The following TBC1D22A variants were observed in gnomAD, a reference collection of about 807,000 sequenced individuals.
TBC1D22A encodes putative GTPase activator.
A neutral mutation model predicts 60.2 loss-of-function variants in TBC1D22A; 38 were observed. The observed-to-expected ratio is 0.63, with a 90% confidence interval of 0.49 to 0.83. The LOEUF is 0.83. Ranked by LOEUF, TBC1D22A falls within the 40% of genes least tolerant of loss-of-function variation. TBC1D22A has a pLI of 0.00. For missense variants in TBC1D22A, 628 were observed against 701.0 expected (o/e 0.90, Z 1.18); for synonymous variants, 302 against 281.7 (o/e 1.07, Z -0.72).
chr22:46,866,787 C>T (rs1428848668), intron 4 of TBC1D22A, among the ~76,000 whole-genome samples: 1 of 152,238 alleles, frequency 6.6e-6, no homozygotes, highest in African/African-American at 2.4e-5. Context: ...AGGACAGAAT[C>T]ACTGTGCTGG....
intron 4 of TBC1D22A, among the ~76,000 whole-genome samples, chr22:46,846,687 C>T (rs903663393): frequency 2.6e-5 from 4 of 151,878 alleles, no homozygotes; most frequent in East Asian, 1.9e-4. Context: ...TATCAAGATA[C>T]GCCACCAGCC....
intron 12 of TBC1D22A, among the ~76,000 whole-genome samples, chr22:47,169,525 A>G (rs916529829): frequency 1.3e-5 from 2 of 152,280 alleles, no homozygotes; most frequent in African/African-American, 4.8e-5. Flanking sequence ...CCATGCAGCG[A>G]GAGTCTGATT....
intron 11 of TBC1D22A, among the ~76,000 whole-genome samples, chr22:47,086,795 C>G (rs576415016): frequency 6.6e-6 from 1 of 152,122 alleles, no homozygotes; most frequent in South Asian, 2.1e-4. Context: ...TGAGCACAGA[C>G]GGGTGGTTCA....
chr22:46,925,654 A>T (rs923305007), intron 8 of TBC1D22A, among the ~76,000 whole-genome samples: 1 of 152,206 alleles, frequency 6.6e-6, no homozygotes, highest in Non-Finnish European at 1.5e-5. Context: ...GCACATTTCA[A>T]TATTGCTTTT....
intron 9 of TBC1D22A, among the ~76,000 whole-genome samples, chr22:46,991,245 C>T (rs1326192913): frequency 1.3e-5 from 2 of 152,142 alleles, no homozygotes; most frequent in Non-Finnish European, 2.9e-5. Flanking sequence ...GAATCTGACA[C>T]GTTTGTGCTC....
chr22:46,998,111 G>C (rs986249731), intron 10 of TBC1D22A, among the ~76,000 whole-genome samples: 1 of 152,094 alleles, frequency 6.6e-6, no homozygotes, highest in Non-Finnish European at 1.5e-5. Flanking sequence ...TAATTACTGA[G>C]TCTGGAAATA....
At chr22:46,962,204 A>C (rs1475023302) in intron 8 of TBC1D22A, among the ~76,000 whole-genome samples, 1 of 152,216 alleles carries the variant, frequency 6.6e-6, no homozygotes, top group African/African-American at 2.4e-5. Context: ...GCGTGGCTTT[A>C]ACTGAGAACC....
At chr22:47,113,731 G>A (rs755515044) in intron 12 of TBC1D22A, among the ~76,000 whole-genome samples, 12 of 152,346 alleles carry the variant, frequency 7.9e-5, no homozygotes, top group South Asian at 2.1e-4. Context: ...CACACTGGCC[G>A]TGGGAGCTTG....
intron 11 of TBC1D22A, among the ~76,000 whole-genome samples, chr22:47,062,996 CAG>C (rs1234684293): frequency 4.6e-5 from 7 of 152,128 alleles, no homozygotes; most frequent in East Asian, 1.9e-4. Context: ...AACATGGAAA[CAG>C]GGAGAAGGTG....
At chr22:46,789,490 C>T (rs1385247570) in intron 1 of TBC1D22A, 3 of 312,670 alleles carry the variant, frequency 9.6e-6, no homozygotes, top group Admixed American at 3.6e-5. Flanking sequence ...ACTGTAAGGG[C>T]CGGAATAGTT....
intron 4 of TBC1D22A, among the ~76,000 whole-genome samples, chr22:46,847,685 T>C (rs958673643): frequency 6.6e-6 from 1 of 152,208 alleles, no homozygotes; most frequent in Non-Finnish European, 1.5e-5. Context: ...TTAGGACTTT[T>C]GAGTCCTTTC....
At chr22:47,060,778 T>G (rs955843145) in intron 11 of TBC1D22A, among the ~76,000 whole-genome samples, 3 of 152,172 alleles carry the variant, frequency 2.0e-5, no homozygotes, top group African/African-American at 7.2e-5. Flanking sequence ...GGCACACAAT[T>G]TAGCGGAGTC....
chr22:46,939,772 C>T (rs778978843), intron 8 of TBC1D22A, among the ~76,000 whole-genome samples: 9 of 152,096 alleles, frequency 5.9e-5, no homozygotes, highest in African/African-American at 1.9e-4. Context: ...GAGCTAAAAC[C>T]GATTAGAGAT....
chr22:47,170,291 G>A (rs570959705), intron 12 of TBC1D22A, among the ~76,000 whole-genome samples: 90 of 152,274 alleles, frequency 5.9e-4, no homozygotes, highest in African/African-American at 2.0e-3. Context: ...GTGAGTTACC[G>A]TAATGGGAGG....
chr22:46,762,983 G>A (rs930501897), intron 1 of TBC1D22A, 135 bp downstream of exon 1: 6 of 800,974 alleles, frequency 7.5e-6, no homozygotes, highest in African/African-American at 1.8e-5. Flanking sequence ...TGGATGGTGT[G>A]ACGGGCGTTG....
chr22:47,164,940 T>A lies in TBC1D22A; in HGVS notation c.1426-8558T>A, dbSNP rs763765331. On this transcript the variant is annotated intron_variant, in intron 12 of 12. Transcript: ENST00000337137. ...GGGGGTTTGGGTAGGATCAACGATCTTTGACCTCTGTAATGTGTGGTCCAT... is the reference window on the plus strand; with the variant it reads ...GGGGGTTTGGGTAGGATCAACGATCATTGACCTCTGTAATGTGTGGTCCAT... Among the ~76,000 whole-genome samples the A allele has an allele frequency of 1.2e-3, 188 of 152,318 alleles. 1 individual carries two copies. Among genetic ancestry groups the A allele is most frequent in the Non-Finnish European group, 2.1e-3 (142 of 68,012 alleles).
rs2068583367 is a variant in TBC1D22A at position 47,173,813 on chromosome 22, T to G, written c.*187T>G. 6 of 963,888 alleles carry G rather than the reference T, an allele frequency of 6.2e-6. No homozygotes were observed. The highest frequency in any genetic ancestry group is 8.9e-6 in the Non-Finnish European group (6 of 677,192). 59.7% of individuals were successfully genotyped at this position (963,888 alleles called of 1,614,324 possible). On this transcript the variant is annotated 3_prime_UTR_variant, in exon 13 of 13. Transcript: ENST00000337137. ...AGGGCTGACAAAGACAGGGACAGCC[T>G]TTGTTTTCTGAGATACCAAAGAGAG...
intron 8 of TBC1D22A, among the ~76,000 whole-genome samples, chr22:46,920,472 A>C (rs1455598673): frequency 6.6e-6 from 1 of 152,146 alleles, no homozygotes; most frequent in African/African-American, 2.4e-5. Flanking sequence ...GGAAAGGTAA[A>C]ATTTCCATAT....
At chr22:47,105,387 C>T (rs1336131896) in intron 11 of TBC1D22A, among the ~76,000 whole-genome samples, 1 of 152,054 alleles carries the variant, frequency 6.6e-6, no homozygotes. Flanking sequence ...TATCAGAGAC[C>T]AGAAATCTCG....
Sources: allele counts gnomAD v4.1 joint callset (sites outside exome capture counted in the v4.1 genomes callset), GRCh38; gene constraint gnomAD v4.1.1; transcripts MANE v1.5; gene names NCBI Gene and HGNC (gene_info 2026-07-23, HGNC 2026-07-21).